DSTN: variants seen among roughly 807,000 people sequenced by gnomAD.
DSTN encodes destrin, actin depolymerizing factor.
A neutral mutation model predicts 16.8 loss-of-function variants in DSTN; 10 were observed. The ratio of observed to expected loss-of-function variants is 0.60; its 90% CI spans 0.37 to 1.01. The LOEUF (loss-of-function observed/expected upper bound fraction) is 1.01, where lower values mean the gene tolerates loss of function less well. Among genes scored for constraint, DSTN ranks in the 50% least tolerant of loss-of-function variants. The pLI is 0.01. For missense variants in DSTN, 141 were observed against 196.7 expected, an observed-to-expected ratio of 0.72 and a Z score of 1.69; for synonymous variants, 57 against 58.9, an observed-to-expected ratio of 0.97 and a Z score of 0.14.
intron 1 of DSTN, among the ~76,000 whole-genome samples, chr20:17,586,823 T>C (rs2035414771): frequency 6.6e-6 from 1 of 152,202 alleles, no homozygotes; most frequent in South Asian, 2.1e-4. Context: ...TCAGTCCTTT[T>C]GAGTTAGCAG....
intron 1 of DSTN, among the ~76,000 whole-genome samples, chr20:17,583,735 CTT>C (rs71192397): frequency 5.9e-4 from 43 of 72,492 alleles, no homozygotes; most frequent in African/African-American, 1.5e-3. Flanking sequence ...TTTGGAGTTT[CTT>C]TTTTTTTTTT....
At chr20:17,589,104 CTCT>C (rs1268250518) in intron 1 of DSTN, among the ~76,000 whole-genome samples, 1 of 152,130 alleles carries the variant, frequency 6.6e-6, no homozygotes, top group African/African-American at 2.4e-5. Context: ...CATATTTCTT[CTCT>C]TCTTGTCGTG....
chr20:17,579,840 C>T (rs573564097), intron 1 of DSTN, among the ~76,000 whole-genome samples: 53 of 152,354 alleles, frequency 3.5e-4, no homozygotes, highest in African/African-American at 1.2e-3. Flanking sequence ...GTCATCATGT[C>T]TCATACAGAA....
chr20:17,581,586 T>C (rs1054355678), intron 1 of DSTN, among the ~76,000 whole-genome samples: 7 of 152,144 alleles, frequency 4.6e-5, no homozygotes, highest in African/African-American at 1.7e-4. Flanking sequence ...TAAGATTGGA[T>C]ATATATTTTG....
At chr20:17,585,924 C>T (rs1462467912) in intron 1 of DSTN, among the ~76,000 whole-genome samples, 2 of 151,894 alleles carry the variant, frequency 1.3e-5, no homozygotes, top group Non-Finnish European at 2.9e-5. Context: ...TATTCCATTC[C>T]CCAGTGGAGA....
At chr20:17,592,162 A>T (rs907776715) in intron 1 of DSTN, 28 of 942,832 alleles carry the variant, frequency 3.0e-5, no homozygotes, top group Non-Finnish European at 3.5e-5. Context: ...ATGGTGGCTC[A>T]TGCCTGTAAT....
At chr20:17,581,650 G>A (rs2035345511) in intron 1 of DSTN, among the ~76,000 whole-genome samples, 1 of 152,200 alleles carries the variant, frequency 6.6e-6, no homozygotes, top group South Asian at 2.1e-4. Flanking sequence ...ATAAGGGAAA[G>A]AAGACTATCA....
chr20:17,578,773 C>G (rs554038194), intron 1 of DSTN, among the ~76,000 whole-genome samples: 64 of 152,118 alleles, frequency 4.2e-4, no homozygotes, highest in African/African-American at 1.4e-3. Context: ...CCAGCCTGAC[C>G]AATGTGCTGA....
At chr20:17,601,827 C>T (rs2035589867) in intron 2 of DSTN, among the ~76,000 whole-genome samples, 2 of 152,166 alleles carry the variant, frequency 1.3e-5, no homozygotes, top group South Asian at 4.1e-4. Context: ...AAAAAAGTTA[C>T]ACCTGGATCC....
chr20:17,590,432 G>A (rs992101971), intron 1 of DSTN, among the ~76,000 whole-genome samples: 1 of 152,218 alleles, frequency 6.6e-6, no homozygotes, highest in Non-Finnish European at 1.5e-5. Context: ...GTAGTCAAGC[G>A]AGATAAAATG....
At chr20:17,580,877 A>G (rs2035335997) in intron 1 of DSTN, among the ~76,000 whole-genome samples, 1 of 152,238 alleles carries the variant, frequency 6.6e-6, no homozygotes, top group Admixed American at 6.5e-5. Flanking sequence ...TTTAGGGCAG[A>G]AGGAACTCTT....
chr20:17,574,883 T>TTTG (rs2035260094), intron 1 of DSTN, among the ~76,000 whole-genome samples: 1 of 134,688 alleles, frequency 7.4e-6, no homozygotes, highest in Non-Finnish European at 1.6e-5. Flanking sequence ...TTTTTTTTTT[T>TTTG]TTTTTTTTTG....
rs1430826314 is a variant in DSTN at position 17,607,060 on chromosome 20, A to C, written c.412A>C (p.Asn138His). 6.2e-7 allele frequency: 1 copy of C among 1,613,976 alleles called. No homozygotes were observed. The highest frequency in any genetic ancestry group is 2.2e-5 in the East Asian group (1 of 44,862). Reference sequence around the variant, plus strand: ...AGGCATAAAACATGAATGTCAAGCAAATGGACCAGAAGATCTCAATCGGGC... The same window carrying C: ...AGGCATAAAACATGAATGTCAAGCACATGGACCAGAAGATCTCAATCGGGC... ...FQGIKHECQA[N>H]GPEDLNRACI... Residue 138 changes from asparagine to histidine, a missense_variant, in exon 4 of 4, where the codon AAT (asparagine) becomes CAT (histidine). Transcript: ENST00000246069.
Position 17,570,113 on chromosome 20 carries a change from C to G in DSTN, c.-96C>G. 7.3e-6 allele frequency: 11 copies of G among 1,500,062 alleles called. 1 individual carries two copies. Among genetic ancestry groups the G allele is most frequent in the South Asian group, 6.1e-5 (5 of 81,636 alleles). 92.9% of individuals were successfully genotyped at this position (1,500,062 alleles called of 1,614,324 possible). A position where few individuals can be genotyped will look rare whatever the true frequency, so the allele number is the denominator to read the frequency against. On this transcript the variant is annotated 5_prime_UTR_variant, in exon 1 of 4. Coordinates refer to ENST00000246069, the MANE Select transcript of DSTN (RefSeq NM_006870.4). Reference sequence around the variant, plus strand: ...CTCGCGCCGCCGCGTCAGCTCAGCGCTGGGTCTCTCGGTCCCGCAGCCGTG... The same window carrying G: ...CTCGCGCCGCCGCGTCAGCTCAGCGGTGGGTCTCTCGGTCCCGCAGCCGTG...
intron 1 of DSTN, chr20:17,599,618 C>T (rs1452087580): frequency 1.3e-5 from 2 of 152,276 alleles, no homozygotes; most frequent in Admixed American, 1.3e-4. Flanking sequence ...TGGTCATATT[C>T]CTCCTCTTGG....
At chr20:17,594,082 AAAAT>A (rs59974407) in intron 1 of DSTN, among the ~76,000 whole-genome samples, 72,477 of 145,332 alleles carry the variant, frequency 0.5, 20,952 homozygotes, top group Middle Eastern at 0.64. Flanking sequence ...CCGTATCTCA[AAAAT>A]AAATAAATAA....
chr20:17,604,944 A>T (rs1377996145), intron 3 of DSTN, among the ~76,000 whole-genome samples: 1 of 152,208 alleles, frequency 6.6e-6, no homozygotes, highest in Admixed American at 6.5e-5. Flanking sequence ...GTGGAGACTG[A>T]TTGTTTAACA....
intron 1 of DSTN, among the ~76,000 whole-genome samples, chr20:17,577,669 TA>T (rs2035294241): frequency 6.6e-6 from 1 of 152,200 alleles, no homozygotes; most frequent in African/African-American, 2.4e-5. Context: ...TATATACTTT[TA>T]ACTTTTCTAG....
At chr20:17,603,595 CTGAG>C (rs2035609826) in intron 2 of DSTN, among the ~76,000 whole-genome samples, 1 of 152,170 alleles carries the variant, frequency 6.6e-6, no homozygotes, top group Non-Finnish European at 1.5e-5. Context: ...TGCAAGCAGT[CTGAG>C]TGGGAGGGTT....
Sources: allele counts gnomAD v4.1 joint callset (sites outside exome capture counted in the v4.1 genomes callset), GRCh38; gene constraint gnomAD v4.1.1; transcripts MANE v1.5; gene names NCBI Gene and HGNC (gene_info 2026-07-23, HGNC 2026-07-21).